SLC35F3: variants seen among roughly 807,000 people sequenced by gnomAD.
SLC35F3 encodes the protein putative thiamine transporter SLC35F3.
A neutral mutation model predicts 49.9 loss-of-function variants in SLC35F3; 25 were observed. That is an observed-to-expected ratio of 0.50 (90% CI 0.37 to 0.70). The LOEUF is 0.70. Ranked by LOEUF, SLC35F3 falls within the 30% of genes least tolerant of loss-of-function variation. The pLI is 0.00. For missense variants in SLC35F3, 525 were observed against 639.8 expected (o/e 0.82, Z 1.94); for synonymous variants, 275 against 265.4 (o/e 1.04, Z -0.35).
intron 2 of SLC35F3, among the ~76,000 whole-genome samples, chr1:234,003,642 A>G (rs1663585869): frequency 6.6e-6 from 1 of 152,224 alleles, no homozygotes; most frequent in Admixed American, 6.5e-5. Flanking sequence ...ACAGGAAAAT[A>G]TTGTTAAATC....
At chr1:233,979,265 C>T (rs190661624) in intron 2 of SLC35F3, among the ~76,000 whole-genome samples, 1 of 152,176 alleles carries the variant, frequency 6.6e-6, no homozygotes, top group African/African-American at 2.4e-5. Flanking sequence ...AGAGCTGGTT[C>T]CATCTGGACA....
At position 233,918,734 on chromosome 1, in the gene SLC35F3, C is replaced by T. The variant is rs547565767; in HGVS notation, c.283+12976C>T. Among the ~76,000 whole-genome samples, 15 of 152,126 alleles carry T rather than the reference C, an allele frequency of 9.9e-5. No individual in the cohort carries two copies. The South Asian group carries it at 3.1e-3, about 32-fold the overall frequency. ...GTGAGCCAAGATCATACCATGCACT[C>T]CAGCCTGGGTGACAAGAGTGAGACT... On this transcript the variant is annotated intron_variant, in intron 2 of 7. Coordinates refer to ENST00000366618, the MANE Select transcript of SLC35F3 (RefSeq NM_173508.4).
intron 2 of SLC35F3, among the ~76,000 whole-genome samples, chr1:233,944,681 C>A (rs989545298): frequency 6.6e-6 from 1 of 152,082 alleles, no homozygotes; most frequent in Non-Finnish European, 1.5e-5. Flanking sequence ...TAGAGGAACA[C>A]AGGATAAATG....
chr1:234,203,137 G>A (rs958174255), intron 2 of SLC35F3, among the ~76,000 whole-genome samples: 2 of 152,122 alleles, frequency 1.3e-5, no homozygotes, highest in Non-Finnish European at 2.9e-5. Flanking sequence ...AGGATGTGAG[G>A]AAACAAAATA....
chr1:234,322,369 T>C (rs77998739), intron 7 of SLC35F3, among the ~76,000 whole-genome samples: 15,446 of 152,206 alleles, frequency 0.1, 899 homozygotes, highest in African/African-American at 0.15. Context: ...ATATGTTGTA[T>C]GTGTTATTTG....
chr1:234,061,527 A>G (rs1432022277), intron 2 of SLC35F3, among the ~76,000 whole-genome samples: 5 of 150,786 alleles, frequency 3.3e-5, no homozygotes, highest in Non-Finnish European at 5.9e-5. Context: ...TTAAGCCATT[A>G]TTTCTCCAAA....
At chr1:233,976,327 C>T (rs1663079395) in intron 2 of SLC35F3, among the ~76,000 whole-genome samples, 1 of 152,156 alleles carries the variant, frequency 6.6e-6, no homozygotes, top group African/African-American at 2.4e-5. Context: ...TTTAACAACT[C>T]CTTTCATTTT....
intron 2 of SLC35F3, among the ~76,000 whole-genome samples, chr1:234,073,065 T>C (rs1056415424): frequency 6.6e-6 from 1 of 152,194 alleles, no homozygotes. Context: ...CATTGACTCA[T>C]CTGTTCCGTG....
chr1:234,099,763 A>C (rs999322032), intron 2 of SLC35F3, among the ~76,000 whole-genome samples: 12 of 152,196 alleles, frequency 7.9e-5, no homozygotes, highest in African/African-American at 2.9e-4. Flanking sequence ...ACCCTGCACA[A>C]TGAGGTTGAA....
intron 2 of SLC35F3, among the ~76,000 whole-genome samples, chr1:233,928,682 A>T (rs1338172359): frequency 6.6e-6 from 1 of 152,212 alleles, no homozygotes; most frequent in African/African-American, 2.4e-5. Flanking sequence ...ATATTAGATT[A>T]TTATTGTTGA....
intron 2 of SLC35F3, among the ~76,000 whole-genome samples, chr1:233,971,424 A>C (rs777108470): frequency 6.6e-6 from 1 of 152,246 alleles, no homozygotes; most frequent in Admixed American, 6.5e-5. Context: ...ACAGTTATCA[A>C]AAGATACCCA....
chr1:234,323,214 AG>A lies in SLC35F3; in HGVS notation c.1445del (p.Arg482LysfsTer68). The A allele has an allele frequency of 6.2e-7, 1 of 1,614,078 alleles. No individual in the cohort carries two copies. ...GAGCTCAGGACCTCAGAGCAAGAACAGAAGAGCCCGCCCTTCCTTCGCCCGC... is the reference window on the plus strand; with the variant it reads ...GAGCTCAGGACCTCAGAGCAAGAACAAAGAGCCCGCCCTTCCTTCGCCCGC... ...DLSSGPQSKN[R>X]RARPSFAR On this transcript the variant is annotated frameshift_variant, in exon 8 of 8. Coordinates refer to ENST00000366618, the MANE Select transcript of SLC35F3 (RefSeq NM_173508.4). LOFTEE classifies it high-confidence loss of function. The surrounding 1 kb of genome is among the most constrained non-coding windows in gnomAD (Gnocchi z 4.5).
At chr1:234,059,524 T>C (rs1664506613) in intron 2 of SLC35F3, among the ~76,000 whole-genome samples, 1 of 152,232 alleles carries the variant, frequency 6.6e-6, no homozygotes, top group Non-Finnish European at 1.5e-5. Context: ...ATTCAGATCC[T>C]GTATTAGTCA....
At chr1:234,136,047 G>A (rs1045368079) in intron 2 of SLC35F3, among the ~76,000 whole-genome samples, 1 of 152,180 alleles carries the variant, frequency 6.6e-6, no homozygotes, top group African/African-American at 2.4e-5. Flanking sequence ...TTATAGATAT[G>A]AAAGGTGAAG....
At chr1:234,269,912 G>A (rs1385662824) in intron 3 of SLC35F3, among the ~76,000 whole-genome samples, 2 of 152,126 alleles carry the variant, frequency 1.3e-5, no homozygotes, top group South Asian at 4.1e-4. Context: ...GAAGCTCCCG[G>A]AGGCCTCCCC....
Position 234,231,705 on chromosome 1 carries a change from A to C in SLC35F3, c.572A>C (p.Lys191Thr). Residue 191 changes from lysine (K) to threonine (T), a missense_variant, in exon 3 of 8, where the codon AAG becomes ACG. By Grantham distance (78) the Lys-to-Thr change is moderately conservative. Coordinates refer to ENST00000366618, the MANE Select transcript of SLC35F3 (RefSeq NM_173508.4). The surrounding 1 kb of genome is among the most constrained non-coding windows in gnomAD (Gnocchi z 5.4). ...FPLYYVGHVC[K>T]STEKQSVKQR... is the part of the protein sequence containing the mutation. ...TTGTACTACGTGGGGCACGTCTGCA[A>C]GTCCACAGAGAAGCAGTCTGTGAAG... 1 of 1,613,558 alleles carries C rather than the reference A, an allele frequency of 6.2e-7. No individual in the cohort carries two copies. Among genetic ancestry groups the C allele is most frequent in the Non-Finnish European group, 8.5e-7 (1 of 1,179,628 alleles).
At chr1:234,011,266 A>T (rs1663716753) in intron 2 of SLC35F3, among the ~76,000 whole-genome samples, 1 of 152,220 alleles carries the variant, frequency 6.6e-6, no homozygotes, top group African/African-American at 2.4e-5. Context: ...TACAAAGCAA[A>T]AATTACAAGG....
chr1:233,931,737 A>AGG (rs1662245730), intron 2 of SLC35F3, among the ~76,000 whole-genome samples: 1 of 152,180 alleles, frequency 6.6e-6, no homozygotes. Context: ...CAGTGTGGCA[A>AGG]TTCCTCAAGG....
chr1:234,317,272 T>C (rs1296677277), intron 5 of SLC35F3, among the ~76,000 whole-genome samples: 1 of 152,152 alleles, frequency 6.6e-6, no homozygotes, highest in South Asian at 2.1e-4. Context: ...TTGGGAACCA[T>C]GGGAAAGCAC....
Sources: allele counts gnomAD v4.1 joint callset (sites outside exome capture counted in the v4.1 genomes callset), GRCh38; gene constraint gnomAD v4.1.1; non-coding constraint Gnocchi (gnomAD v3.1); transcripts MANE v1.5; gene names NCBI Gene and HGNC (gene_info 2026-07-23, HGNC 2026-07-21).